EYA4: variants seen among roughly 807,000 people sequenced by gnomAD.
EYA4 encodes the protein EYA transcriptional coactivator and phosphatase 4.
EYA4 carries 31 observed loss-of-function variants against 87.9 expected under a neutral mutation model. That is an observed-to-expected ratio of 0.35 (90% CI 0.27 to 0.48). EYA4 has a LOEUF of 0.48. Among genes scored for constraint, EYA4 ranks in the 20% least tolerant of loss-of-function variants. The probability of loss-of-function intolerance (pLI) is 0.99; values close to 1 mark genes in which losing one functional copy is unlikely to be tolerated. For synonymous variants in EYA4, 263 were observed against 270.6 expected, an observed-to-expected ratio of 0.97 and a Z score of 0.28; for missense variants, 678 against 761.4, an observed-to-expected ratio of 0.89 and a Z score of 1.29.
Position 133,399,775 on chromosome 6 carries a change from G to A in EYA4, c.83+17334G>A, listed in dbSNP as rs190338966. Among the ~76,000 whole-genome samples the A allele has an allele frequency of 7.2e-5, 11 of 152,254 alleles. No individual in the cohort carries two copies. The East Asian group carries it at 1.2e-3, about 16-fold the overall frequency. ...CACATTACAAAGATAAATTGGCAACGTGCCTGTATGATTTCCAGAGTAGGT... is the reference window on the plus strand; with the variant it reads ...CACATTACAAAGATAAATTGGCAACATGCCTGTATGATTTCCAGAGTAGGT... On this transcript the variant is annotated intron_variant, in intron 3 of 19. Transcript: ENST00000355286.
At chr6:133,327,867 T>C (rs1158745533) in intron 2 of EYA4, among the ~76,000 whole-genome samples, 1 of 152,214 alleles carries the variant, frequency 6.6e-6, no homozygotes, top group African/African-American at 2.4e-5. Flanking sequence ...ACTGTGATTG[T>C]CCAGATGATA....
chr6:133,418,056 G>A (rs940286873), intron 3 of EYA4, among the ~76,000 whole-genome samples: 2 of 152,106 alleles, frequency 1.3e-5, no homozygotes, highest in South Asian at 4.2e-4. Context: ...TAAGCTATTG[G>A]TTTCCTCTGT....
intron 2 of EYA4, among the ~76,000 whole-genome samples, chr6:133,327,137 A>G (rs1370367036): frequency 6.6e-6 from 1 of 152,018 alleles, no homozygotes; most frequent in Non-Finnish European, 1.5e-5. Context: ...AATTTATTTT[A>G]TTTTATTTTT....
intron 1 of EYA4, among the ~76,000 whole-genome samples, chr6:133,266,039 C>T (rs1776194997): frequency 1.3e-5 from 2 of 152,124 alleles, no homozygotes; most frequent in Non-Finnish European, 2.9e-5. Flanking sequence ...AAAATAATTT[C>T]AATGTAATAA....
At chr6:133,511,325 T>A (rs1799115367) in intron 14 of EYA4, among the ~76,000 whole-genome samples, 2 of 152,132 alleles carry the variant, frequency 1.3e-5, no homozygotes, top group African/African-American at 2.4e-5. Flanking sequence ...ATGATTTTTT[T>A]TAAAAATTAA....
At chr6:133,365,458 A>G (rs1011097680) in intron 2 of EYA4, among the ~76,000 whole-genome samples, 11 of 152,160 alleles carry the variant, frequency 7.2e-5, no homozygotes, top group Admixed American at 5.9e-4. Context: ...GGAGAGGCCA[A>G]TGCCATCGAA....
intron 14 of EYA4, among the ~76,000 whole-genome samples, chr6:133,508,756 G>A (rs1798867567): frequency 6.6e-6 from 1 of 152,152 alleles, no homozygotes; most frequent in Non-Finnish European, 1.5e-5. Flanking sequence ...AAAACATGTT[G>A]TAGTCATGTA....
intron 3 of EYA4, among the ~76,000 whole-genome samples, chr6:133,401,413 G>A (rs1788252803): frequency 6.6e-6 from 1 of 152,048 alleles, no homozygotes; most frequent in Non-Finnish European, 1.5e-5. Context: ...AATGTTCCTA[G>A]CATAAAGAAA....
At chr6:133,321,287 G>C (rs961707056) in intron 2 of EYA4, among the ~76,000 whole-genome samples, 3 of 152,052 alleles carry the variant, frequency 2.0e-5, no homozygotes, top group Non-Finnish European at 2.9e-5. Flanking sequence ...TTGATGTCAA[G>C]AATTCTAACT....
chr6:133,514,843 A>G (rs1037715376), intron 16 of EYA4, among the ~76,000 whole-genome samples: 2 of 152,350 alleles, frequency 1.3e-5, no homozygotes, highest in African/African-American at 2.4e-5. Flanking sequence ...ACAGCTACAT[A>G]TGATGATGCC....
At chr6:133,383,464 G>T (rs1023482458) in intron 3 of EYA4, among the ~76,000 whole-genome samples, 1 of 131,274 alleles carries the variant, frequency 7.6e-6, no homozygotes, top group Non-Finnish European at 1.6e-5. Context: ...GTTGCAGTGA[G>T]CCGAGATTGT....
chr6:133,400,211 G>C (rs1425674608), intron 3 of EYA4, among the ~76,000 whole-genome samples: 1 of 152,144 alleles, frequency 6.6e-6, no homozygotes, highest in East Asian at 1.9e-4. Flanking sequence ...ACAGATGCGA[G>C]TTAGAAAATT....
chr6:133,408,691 A>C (rs1378872096), intron 3 of EYA4, among the ~76,000 whole-genome samples: 4 of 152,102 alleles, frequency 2.6e-5, no homozygotes, highest in African/African-American at 9.7e-5. Context: ...TGTTTCCATG[A>C]GGTTTAAATG....
intron 2 of EYA4, among the ~76,000 whole-genome samples, chr6:133,365,328 T>C (rs1470118519): frequency 6.6e-6 from 1 of 152,138 alleles, no homozygotes; most frequent in Non-Finnish European, 1.5e-5. Flanking sequence ...CATCTACTTA[T>C]GTATTGAAAT....
intron 3 of EYA4, among the ~76,000 whole-genome samples, chr6:133,391,825 C>T (rs1787321026): frequency 6.6e-6 from 1 of 152,140 alleles, no homozygotes; most frequent in African/African-American, 2.4e-5. Flanking sequence ...TCCTTCCCTT[C>T]CCAGGACATT....
chr6:133,476,912 G>C (rs1795790858), intron 11 of EYA4, among the ~76,000 whole-genome samples: 1 of 152,104 alleles, frequency 6.6e-6, no homozygotes, highest in African/African-American at 2.4e-5. Context: ...TGTCAAGGGA[G>C]AGACCAGGTG....
At chr6:133,332,730 T>A (rs1406751791) in intron 2 of EYA4, among the ~76,000 whole-genome samples, 1 of 107,360 alleles carries the variant, frequency 9.3e-6, no homozygotes, top group Admixed American at 8.9e-5. Context: ...TTTTTTTTTT[T>A]TTTTTTGTAT....
intron 2 of EYA4, among the ~76,000 whole-genome samples, chr6:133,318,537 G>A (rs1053982356): frequency 2.0e-5 from 3 of 151,886 alleles, no homozygotes; most frequent in African/African-American, 7.3e-5. Flanking sequence ...TAAAACTTGA[G>A]GTTGGTTTAT....
chr6:133,359,074 C>A (rs1784279954), intron 2 of EYA4, among the ~76,000 whole-genome samples: 1 of 152,104 alleles, frequency 6.6e-6, no homozygotes, highest in African/African-American at 2.4e-5. Context: ...TTCAGTGTGA[C>A]TAGAACACAG....
Sources: allele counts gnomAD v4.1 joint callset (sites outside exome capture counted in the v4.1 genomes callset), GRCh38; gene constraint gnomAD v4.1.1; transcripts MANE v1.5; gene names NCBI Gene and HGNC (gene_info 2026-07-23, HGNC 2026-07-21).